Variants in FNTB observed in about 807,000 individuals in gnomAD.
The protein encoded by FNTB is farnesyltransferase, CAAX box, subunit beta.
In FNTB, 27 loss-of-function variants were observed where a neutral mutation model predicts 59.4. That is an observed-to-expected ratio of 0.45 (90% CI 0.34 to 0.63). The LOEUF is 0.63. FNTB is among the 20% of genes least tolerant of loss of function. The pLI is 0.02. For synonymous variants in FNTB, 230 were observed against 220.7 expected (o/e 1.04, Z -0.37); for missense variants, 449 against 559.6 (o/e 0.80, Z 1.99).
intron 11 of FNTB, among the ~76,000 whole-genome samples, chr14:65,057,440 A>T (rs971577018): frequency 3.3e-5 from 5 of 152,070 alleles, no homozygotes; most frequent in African/African-American, 1.2e-4. Flanking sequence ...CCCCACAAAA[A>T]TATTTTAATA....
At chr14:64,993,501 A>C (rs943986744) in intron 1 of FNTB, among the ~76,000 whole-genome samples, 1 of 152,230 alleles carries the variant, frequency 6.6e-6, no homozygotes, top group Non-Finnish European at 1.5e-5. Context: ...CTACAGCAAG[A>C]GGTACTTTGT....
chr14:65,005,652 C>G (rs2061576593), intron 2 of FNTB, among the ~76,000 whole-genome samples: 1 of 151,416 alleles, frequency 6.6e-6, no homozygotes, highest in Non-Finnish European at 1.5e-5. Flanking sequence ...CCCTGCCCTG[C>G]CCTGTCTTGC....
intron 1 of FNTB, among the ~76,000 whole-genome samples, chr14:65,002,615 T>C (rs1400838785): frequency 2.0e-5 from 3 of 149,310 alleles, no homozygotes; most frequent in Non-Finnish European, 3.0e-5. Flanking sequence ...AAAAAAATAA[T>C]AATAATAAAA....
In FNTB at chr14:65,054,129, T is replaced by C. The variant is rs912761459; in HGVS notation, c.1068-446T>C. Among the ~76,000 whole-genome samples the C allele has an allele frequency of 2.0e-5, 3 of 152,076 alleles. No individual in the cohort carries two copies. The highest frequency in any genetic ancestry group is 4.4e-5 in the Non-Finnish European group (3 of 68,024). On this transcript the variant is annotated intron_variant, in intron 10 of 11. Coordinates refer to ENST00000246166, the MANE Select transcript of FNTB (RefSeq NM_002028.4). This position sits in a 1 kb window ranked among gnomAD's most constrained non-coding sequence, Gnocchi z 4.4. ...TTTTATTTTATTGTATTTTACTTTTTTGAGACAGGGTCTCACTCTGTCACC... is the reference window on the plus strand; with the variant it reads ...TTTTATTTTATTGTATTTTACTTTTCTGAGACAGGGTCTCACTCTGTCACC...
chr14:64,998,314 G>A (rs180827887), intron 1 of FNTB, among the ~76,000 whole-genome samples: 1 of 152,314 alleles, frequency 6.6e-6, no homozygotes, highest in East Asian at 1.9e-4. Flanking sequence ...TGGGAATAGT[G>A]TATTGCAGTG....
chr14:65,030,424 G>A lies in FNTB; in HGVS notation c.606-2186G>A, dbSNP rs1444447433. Among the ~76,000 whole-genome samples the A allele has an allele frequency of 6.6e-6, 1 of 152,134 alleles. No individual in the cohort carries two copies. Among genetic ancestry groups the A allele is most frequent in the Non-Finnish European group, 1.5e-5 (1 of 68,036 alleles). Reference sequence around the variant, plus strand: ...AATACCTCAGTAAGTCTGACTTCATGTTATATCTATACTGAGTAAGATGGA... The same window carrying A: ...AATACCTCAGTAAGTCTGACTTCATATTATATCTATACTGAGTAAGATGGA... On this transcript the variant is annotated intron_variant, in intron 6 of 11. Transcript: ENST00000246166. The surrounding 1 kb of genome is among the most constrained non-coding windows in gnomAD (Gnocchi z 4.5).
chr14:64,993,010 AT>A, intron 1 of FNTB, among the ~76,000 whole-genome samples: 1 of 152,024 alleles, frequency 6.6e-6, no homozygotes, highest in South Asian at 2.1e-4. Context: ...TACTTTTTAT[AT>A]TTTTTTGTAG....
intron 8 of FNTB, among the ~76,000 whole-genome samples, chr14:65,043,354 C>T (rs185708820): frequency 6.6e-6 from 1 of 152,330 alleles, no homozygotes; most frequent in East Asian, 1.9e-4. Context: ...ACCTATTTTA[C>T]AGCTTCAAAG....
At position 65,027,356 on chromosome 14, in the gene FNTB, T is replaced by G. The variant is rs992888383; in HGVS notation, c.375-97T>G. On this transcript the variant is annotated intron_variant, in intron 4 of 11. Transcript: ENST00000246166. This position sits in a 1 kb window ranked among gnomAD's most constrained non-coding sequence, Gnocchi z 5.7. Reference sequence around the variant, plus strand: ...AGGTTCCCCTCAACTTTTGAGGGAGTGGGGGATCATTGGAAAGGCCTGGAA... The same window carrying G: ...AGGTTCCCCTCAACTTTTGAGGGAGGGGGGGATCATTGGAAAGGCCTGGAA... The G allele has an allele frequency of 1.3e-6, 2 of 1,551,446 alleles. No homozygotes were observed. The highest frequency in any genetic ancestry group is 1.8e-5 in the Admixed American group (1 of 54,762).
In FNTB at chr14:65,054,477, A is replaced by C; in HGVS notation, c.1068-98A>C. 2 of 1,180,676 alleles carry C rather than the reference A, an allele frequency of 1.7e-6. No homozygotes were observed. The allele number at this position is 1,180,676 out of a possible 1,614,324, so 73.1% of individuals were successfully genotyped here. A position where few individuals can be genotyped will look rare whatever the true frequency, so the allele number is the denominator to read the frequency against. The stretch of plus-strand genomic sequence containing the variant: ...CTAGCCACATGGAGGATGGGGGGGG[A>C]CGTGTGATTGCACCAGTGGTCTCTG... On this transcript the variant is annotated intron_variant, in intron 10 of 11. Transcript: ENST00000246166. The surrounding 1 kb of genome is among the most constrained non-coding windows in gnomAD (Gnocchi z 4.4).
chr14:65,014,063 A>G lies in FNTB; in HGVS notation c.283-1562A>G, dbSNP rs553214593. On this transcript the variant is annotated intron_variant, in intron 3 of 11. Transcript: ENST00000246166. The surrounding 1 kb of genome is among the most constrained non-coding windows in gnomAD (Gnocchi z 5.1). ...GGTGGTGGGTTAGCCACAGCTTGGG[A>G]TATCAGCATAGTTTTGAAGAGAGCA... Among the ~76,000 whole-genome samples the G allele has an allele frequency of 3.3e-5, 5 of 152,286 alleles. No individual in the cohort carries two copies. Among genetic ancestry groups the G allele is most frequent in the Admixed American group, 6.5e-5 (1 of 15,298 alleles).
intron 1 of FNTB, among the ~76,000 whole-genome samples, chr14:65,000,815 CAAAAAA>C (rs59420832): frequency 8.2e-5 from 3 of 36,478 alleles, no homozygotes; most frequent in Admixed American, 2.7e-4. Context: ...GACTCCGTCT[CAAAAAA>C]AAAAAAAAAA....
intron 1 of FNTB, 101 bp downstream of exon 1, chr14:64,987,198 G>C (rs141650345): frequency 5.8e-6 from 8 of 1,371,300 alleles, no homozygotes; most frequent in South Asian, 1.2e-5. Context: ...GGGGAACTAC[G>C]ACTCCCACAG....
intron 2 of FNTB, among the ~76,000 whole-genome samples, chr14:65,010,676 C>T (rs1358616255): frequency 6.6e-6 from 1 of 152,224 alleles, no homozygotes; most frequent in Non-Finnish European, 1.5e-5. Context: ...ATCTCAAAAA[C>T]CTTCAGGACT....
chr14:65,028,278 C>A lies in FNTB; in HGVS notation c.605+497C>A, dbSNP rs534451770. 1.3e-5 allele frequency among the ~76,000 whole-genome samples: 2 copies of A among 152,112 alleles called. No individual in the cohort carries two copies. The highest frequency in any genetic ancestry group is 4.8e-5 in the African/African-American group (2 of 41,422). On this transcript the variant is annotated intron_variant, in intron 6 of 11. Coordinates refer to ENST00000246166, the MANE Select transcript of FNTB (RefSeq NM_002028.4). This position sits in a 1 kb window ranked among gnomAD's most constrained non-coding sequence, Gnocchi z 4.4. ...CCGGGAGAGTGCAGTGCAATAAAATCGCATTAACTGATTGGTGCCAGTTAG... is the reference window on the plus strand; with the variant it reads ...CCGGGAGAGTGCAGTGCAATAAAATAGCATTAACTGATTGGTGCCAGTTAG...
rs1439965443 is a variant in FNTB, at chr14:65,027,880, C to T, written c.605+99C>T. The T allele has an allele frequency of 1.3e-6, 2 of 1,498,364 alleles. No individual in the cohort carries two copies. The highest frequency in any genetic ancestry group is 1.8e-6 in the Non-Finnish European group (2 of 1,093,764). The allele number at this position is 1,498,364 out of a possible 1,614,324, so 92.8% of individuals were successfully genotyped here. ...AAGGAACATCATGGGGAAGCTGCTG[C>T]TTTGTCCCAGAATGACACATGGGAT... On this transcript the variant is annotated intron_variant, in intron 6 of 11. Transcript: ENST00000246166. The surrounding 1 kb of genome is among the most constrained non-coding windows in gnomAD (Gnocchi z 5.7).
In FNTB at chr14:64,994,983, G is replaced by A. The variant is rs1414441176; in HGVS notation, c.144+7886G>A. ...TTTGTAATAACAGTTTAAAACACAA[G>A]CACATTGTACTGCTGTACAAAAATA... is the stretch of plus-strand genomic sequence containing the variant. On this transcript the variant is annotated intron_variant, in intron 1 of 11. Coordinates refer to ENST00000246166, the MANE Select transcript of FNTB (RefSeq NM_002028.4). The surrounding 1 kb of genome is among the most constrained non-coding windows in gnomAD (Gnocchi z 4.2). Among the ~76,000 whole-genome samples the A allele has an allele frequency of 6.6e-6, 1 of 152,010 alleles. No homozygotes were observed. Among genetic ancestry groups the A allele is most frequent in the Admixed American group, 6.6e-5 (1 of 15,248 alleles).
At chr14:65,053,156 C>T (rs2062651462) in intron 9 of FNTB, 82 bp from the exon 10 acceptor site, 2 of 1,107,758 alleles carry the variant, frequency 1.8e-6, no homozygotes, top group Admixed American at 4.1e-5. Context: ...CTTGACTATT[C>T]CCCCAGGTGA....
rs1473682201 is a variant in FNTB at position 65,022,457 on chromosome 14, G to A, written c.375-4996G>A. 2.0e-5 allele frequency among the ~76,000 whole-genome samples: 3 copies of A among 152,020 alleles called. No homozygotes were observed. In the East Asian group the frequency reaches 5.8e-4, roughly 29 times the overall value. On this transcript the variant is annotated intron_variant, in intron 4 of 11. Coordinates refer to ENST00000246166, the MANE Select transcript of FNTB (RefSeq NM_002028.4). ...AGTTTTTACCTACTAGAATGTTTAT[G>A]TAATTATCCTTTGTATATTTGAGGT...
Sources: allele counts gnomAD v4.1 joint callset (sites outside exome capture counted in the v4.1 genomes callset), GRCh38; gene constraint gnomAD v4.1.1; non-coding constraint Gnocchi (gnomAD v3.1); transcripts MANE v1.5; gene names NCBI Gene and HGNC (gene_info 2026-07-23, HGNC 2026-07-21).